The following BDKRB2 variants were observed in gnomAD, a reference collection of about 807,000 sequenced individuals.
BDKRB2 encodes bradykinin receptor B2, also known as B2 bradykinin receptor.
A neutral mutation model predicts 4.0 loss-of-function variants in BDKRB2; 6 were observed. The ratio of observed to expected loss-of-function variants is 1.49; its 90% CI spans 0.81 to 2.93. The LOEUF (loss-of-function observed/expected upper bound fraction) is 2.93, where lower values mean the gene tolerates loss of function less well. Among genes scored for constraint, BDKRB2 ranks in the 30% most tolerant of loss-of-function variants. The probability of loss-of-function intolerance (pLI) is 0.00; values close to 1 mark genes in which losing one functional copy is unlikely to be tolerated. For synonymous variants in BDKRB2, 225 were observed against 215.3 expected, an observed-to-expected ratio of 1.05 and a Z score of -0.40; for missense variants, 478 against 520.1, an observed-to-expected ratio of 0.92 and a Z score of 0.79.
chr14:96,230,050 C>G (rs1057505480), intron 1 of BDKRB2, among the ~76,000 whole-genome samples: 1 of 151,638 alleles, frequency 6.6e-6, no homozygotes, highest in Non-Finnish European at 1.5e-5. Context: ...AGGAGAATGG[C>G]GTGAACCCGG....
chr14:96,219,168 A>G (rs909441333), intron 1 of BDKRB2, among the ~76,000 whole-genome samples: 2 of 151,716 alleles, frequency 1.3e-5, no homozygotes, highest in Non-Finnish European at 2.9e-5. Context: ...AGGGCGTGGT[A>G]GCATGCTGCT....
rs200693201 is a variant in BDKRB2 at position 96,240,404 on chromosome 14, G to C, written c.76G>C (p.Ala26Pro). 2 of 1,427,956 alleles carry C rather than the reference G, an allele frequency of 1.4e-6. No individual in the cohort carries two copies. Among genetic ancestry groups the C allele is most frequent in the Non-Finnish European group, 1.8e-6 (2 of 1,086,922 alleles). 88.5% of individuals were successfully genotyped at this position (1,427,956 alleles called of 1,614,324 possible). A position where few individuals can be genotyped will look rare whatever the true frequency, so the allele number is the denominator to read the frequency against. Reference protein sequence around the residue: ...DSVPTTASFSADMLNVTLQGP... With the variant: ...DSVPTTASFSPDMLNVTLQGP... Reference sequence around the variant, plus strand: ...AGCCTCTTTTCCACTTTCTTTCAGCGCCGACATGCTCAATGTCACCTTGCA... The same window carrying C: ...AGCCTCTTTTCCACTTTCTTTCAGCCCCGACATGCTCAATGTCACCTTGCA... Residue 26 changes from alanine (A) to proline (P), a missense_variant and splice_region_variant, in exon 3 of 3, where the codon GCC (alanine) becomes CCC (proline). Physicochemically the swap from Ala to Pro is conservative, Grantham distance 27 (BLOSUM62 -1). Transcript: ENST00000554311.
intron 2 of BDKRB2, chr14:96,238,231 G>T (rs1465308064): frequency 5.5e-6 from 3 of 543,498 alleles, no homozygotes; most frequent in South Asian, 7.8e-5. Flanking sequence ...GTGGCAAGTT[G>T]GTTCCCCCCA....
chr14:96,236,215 T>G (rs1466208400), intron 1 of BDKRB2, among the ~76,000 whole-genome samples: 7 of 152,168 alleles, frequency 4.6e-5, no homozygotes, highest in Non-Finnish European at 8.8e-5. Flanking sequence ...AATACTCAGA[T>G]GTGTCTGTCT....
At chr14:96,205,601 G>C (rs934781384) in intron 1 of BDKRB2, among the ~76,000 whole-genome samples, 2 of 152,188 alleles carry the variant, frequency 1.3e-5, no homozygotes, top group African/African-American at 2.4e-5. Flanking sequence ...CCAGGGCAGG[G>C]GGATAGGATG....
Position 96,240,391 on chromosome 14 carries a change from A to C in BDKRB2, c.75-12A>C, listed in dbSNP as rs201155628. 5.6e-6 allele frequency: 8 copies of C among 1,418,726 alleles called. No homozygotes were observed. The highest frequency in any genetic ancestry group is 6.5e-6 in the Non-Finnish European group (7 of 1,082,348). The allele number at this position is 1,418,726 out of a possible 1,614,324, so 87.9% of individuals were successfully genotyped here. On this transcript the variant is annotated splice_polypyrimidine_tract_variant and intron_variant, in intron 2 of 2. Coordinates refer to ENST00000554311, the MANE Select transcript of BDKRB2 (RefSeq NM_001379692.1). ...CCTGAGGGGTAACAGCCTCTTTTCCACTTTCTTTCAGCGCCGACATGCTCA... is the reference window on the plus strand; with the variant it reads ...CCTGAGGGGTAACAGCCTCTTTTCCCCTTTCTTTCAGCGCCGACATGCTCA...
At chr14:96,239,024 G>C in intron 2 of BDKRB2, 1 of 985,504 alleles carries the variant, frequency 1.0e-6, no homozygotes, top group Non-Finnish European at 1.2e-6. Flanking sequence ...GCTGCTCCTA[G>C]AAGCAAACGG....
At chr14:96,229,199 T>C (rs547215994) in intron 1 of BDKRB2, among the ~76,000 whole-genome samples, 1 of 152,250 alleles carries the variant, frequency 6.6e-6, no homozygotes, top group South Asian at 2.1e-4. Context: ...AAGCAACTCT[T>C]ATAGCTATAC....
intron 1 of BDKRB2, among the ~76,000 whole-genome samples, chr14:96,220,856 G>A (rs1890543364): frequency 6.6e-6 from 1 of 152,060 alleles, no homozygotes; most frequent in Admixed American, 6.5e-5. Flanking sequence ...TACCTGGAGT[G>A]CGTGGACACA....
At chr14:96,235,025 C>T (rs768909970) in intron 1 of BDKRB2, among the ~76,000 whole-genome samples, 10 of 152,102 alleles carry the variant, frequency 6.6e-5, no homozygotes, top group Middle Eastern at 3.2e-3. Flanking sequence ...AATGATAGAC[C>T]GTCAATAATT....
intron 1 of BDKRB2, among the ~76,000 whole-genome samples, chr14:96,234,497 G>A (rs927968875): frequency 6.6e-6 from 1 of 152,162 alleles, no homozygotes; most frequent in African/African-American, 2.4e-5. Flanking sequence ...GGGCTCCCAA[G>A]CAGGGGCCAC....
intron 2 of BDKRB2, among the ~76,000 whole-genome samples, chr14:96,237,493 G>T (rs1268648783): frequency 6.6e-6 from 1 of 152,170 alleles, no homozygotes; most frequent in Admixed American, 6.5e-5. Flanking sequence ...AATACCCAGT[G>T]GATCAGACAG....
intron 1 of BDKRB2, among the ~76,000 whole-genome samples, chr14:96,214,028 G>C (rs1239145866): frequency 6.6e-6 from 1 of 152,178 alleles, no homozygotes; most frequent in African/African-American, 2.4e-5. Flanking sequence ...GAGGAGCTGG[G>C]GCTGGAGAGA....
chr14:96,210,970 T>C (rs79853305), intron 1 of BDKRB2: 42 of 152,390 alleles, frequency 2.8e-4, no homozygotes, highest in African/African-American at 1.0e-3. Context: ...CTGGCACCTG[T>C]GCTCATGTGC....
intron 1 of BDKRB2, among the ~76,000 whole-genome samples, chr14:96,229,075 G>T (rs1046580854): frequency 1.3e-5 from 2 of 152,116 alleles, no homozygotes; most frequent in Admixed American, 6.5e-5. Context: ...TATGTCTGCT[G>T]GGGAGAAGAG....
intron 1 of BDKRB2, among the ~76,000 whole-genome samples, chr14:96,228,294 A>T (rs1222200009): frequency 6.6e-6 from 1 of 152,192 alleles, no homozygotes; most frequent in East Asian, 1.9e-4. Context: ...CCATTCACTG[A>T]TGGCTAAGTG....
intron 1 of BDKRB2, among the ~76,000 whole-genome samples, chr14:96,208,351 C>T (rs966811587): frequency 9.2e-5 from 14 of 152,044 alleles, no homozygotes; most frequent in African/African-American, 1.2e-4. Flanking sequence ...AACATATGTG[C>T]CTCCCCCTCC....
intron 1 of BDKRB2, among the ~76,000 whole-genome samples, chr14:96,232,201 C>G (rs1566693876): frequency 1.3e-5 from 2 of 152,226 alleles, no homozygotes; most frequent in Non-Finnish European, 2.9e-5. Context: ...ATCTGACACA[C>G]ACGGACTCGT....
intron 1 of BDKRB2, among the ~76,000 whole-genome samples, chr14:96,224,736 T>C (rs982041022): frequency 6.6e-6 from 1 of 152,326 alleles, no homozygotes; most frequent in East Asian, 1.9e-4. Context: ...CCCGTTTCCC[T>C]GCAGATCAGC....
Sources: gnomAD v4.1 joint callset for allele counts (sites outside exome capture counted in the v4.1 genomes callset) on GRCh38, gnomAD v4.1.1 for gene constraint, MANE v1.5 for transcripts, NCBI Gene and HGNC (gene_info 2026-07-23, HGNC 2026-07-21) for gene names.